Variants in KIAA2012 observed in about 807,000 individuals in gnomAD.
The protein encoded by KIAA2012 is KIAA2012.
In KIAA2012, 125 loss-of-function variants were observed where a neutral mutation model predicts 150.6. The observed-to-expected ratio is 0.83, with a 90% CI of 0.72 to 0.96. The LOEUF is 0.96. Ranked by LOEUF, KIAA2012 falls within the 40% of genes least tolerant of loss-of-function variation. The pLI, the probability that KIAA2012 is intolerant of heterozygous loss-of-function variation, is 0.00. For missense variants in KIAA2012, 1,219 were observed against 1,354.9 expected, an observed-to-expected ratio of 0.90 and a Z score of 1.57; for synonymous variants, 462 against 504.7, an observed-to-expected ratio of 0.92 and a Z score of 1.13.
intron 15 of KIAA2012, among the ~76,000 whole-genome samples, chr2:202,173,429 C>T (rs758108547): frequency 2.0e-5 from 3 of 152,002 alleles, no homozygotes; most frequent in East Asian, 1.9e-4. Context: ...ATTAGCTGGG[C>T]GTGGTGGCAC....
chr2:202,165,291 G>A lies in KIAA2012; in HGVS notation c.2054G>A (p.Gly685Glu), dbSNP rs1219261309. Residue 685 changes from glycine (G) to glutamate (E), a missense_variant, in exon 15 of 24, where the codon GGA (glycine) becomes GAA (glutamate). By Grantham distance (98) the Gly-to-Glu change is moderately conservative. Coordinates refer to ENST00000498697, the MANE Select transcript of KIAA2012 (RefSeq NM_001277372.4). ...TGTGTGTTAACCCAATAGGAAAGTG[G>A]AAATGCACTGGACTATCAGGAAGAA... The part of the protein sequence containing the change: ...IDMTPFLKES[G>E]NALDYQEEAG... 2 of 1,550,156 alleles carry A rather than the reference G, an allele frequency of 1.3e-6. No homozygotes were observed. Among genetic ancestry groups the A allele is most frequent in the African/African-American group, 1.4e-5 (1 of 73,034 alleles).
At chr2:202,148,581 A>G (rs1691351425) in intron 13 of KIAA2012, among the ~76,000 whole-genome samples, 1 of 152,102 alleles carries the variant, frequency 6.6e-6, no homozygotes, top group Non-Finnish European at 1.5e-5. Context: ...GGATGACCCC[A>G]GGTGACAGGT....
intron 22 of KIAA2012, among the ~76,000 whole-genome samples, chr2:202,198,166 CTCTT>C (rs1470688493): frequency 1.7e-5 from 2 of 117,854 alleles, no homozygotes; most frequent in African/African-American, 6.4e-5. Context: ...AAGAGCAAGG[CTCTT>C]TCTCAAAAAA....
chr2:202,078,837 GCAC>G (rs922427126), intron 2 of KIAA2012, among the ~76,000 whole-genome samples: 1 of 152,146 alleles, frequency 6.6e-6, no homozygotes, highest in Middle Eastern at 3.2e-3. Flanking sequence ...GTAAATCACT[GCAC>G]CAGAATGTGA....
At position 202,097,571 on chromosome 2, in the gene KIAA2012, G is replaced by A. The variant is rs1432778421; in HGVS notation, c.822G>A (p.Gln274=). ...RKQPWQEDET[Q]AEDTSIENHL... ...AGCCCTGGCAGGAAGATGAAACGCA[G>A]GCAGAGGTACCATTTCTTTTTTTTT... Residue 274 remains glutamine, a synonymous_variant, in exon 5 of 24, where the codon CAG becomes CAA. Coordinates refer to ENST00000498697, the MANE Select transcript of KIAA2012 (RefSeq NM_001277372.4). The A allele has an allele frequency of 4.5e-6, 7 of 1,543,142 alleles. No individual in the cohort carries two copies. The highest frequency in any genetic ancestry group is 2.0e-5 in the Admixed American group (1 of 48,982).
intron 2 of KIAA2012, among the ~76,000 whole-genome samples, chr2:202,075,809 A>C (rs572313237): frequency 6.6e-6 from 1 of 152,368 alleles, no homozygotes; most frequent in Admixed American, 6.5e-5. Flanking sequence ...GTCACTTTAT[A>C]AAATTCTAGG....
chr2:202,121,397 T>TC (rs1690649535), intron 11 of KIAA2012, among the ~76,000 whole-genome samples: 2 of 152,230 alleles, frequency 1.3e-5, no homozygotes, highest in Admixed American at 1.3e-4. Flanking sequence ...ACACTTGCAC[T>TC]CCATCTTGTA....
intron 12 of KIAA2012, among the ~76,000 whole-genome samples, chr2:202,132,512 C>G (rs1690955419): frequency 6.6e-6 from 1 of 151,200 alleles, no homozygotes; most frequent in South Asian, 2.1e-4. Context: ...ACTGAAAATA[C>G]AAAAATTAGC....
intron 18 of KIAA2012, 88 bp downstream of exon 18, chr2:202,188,354 C>G: frequency 9.9e-7 from 1 of 1,013,840 alleles, no homozygotes. Flanking sequence ...TGGATCCTAC[C>G]GGACAAACTC....
chr2:202,117,214 C>A (rs1280353926), intron 11 of KIAA2012, among the ~76,000 whole-genome samples: 1 of 152,186 alleles, frequency 6.6e-6, no homozygotes, highest in East Asian at 1.9e-4. Flanking sequence ...TAATAGATAA[C>A]TAGTATTCTA....
At chr2:202,196,699 C>A in intron 21 of KIAA2012, 101 bp from the exon 22 acceptor site, 1 of 1,456,722 alleles carries the variant, frequency 6.9e-7, no homozygotes, top group African/African-American at 1.4e-5. Flanking sequence ...CAAAATTTCT[C>A]ACGGGGAGTC....
At chr2:202,202,319 C>T (rs1692547334) in intron 22 of KIAA2012, 110 bp from the exon 23 acceptor site, 1 of 399,996 alleles carries the variant, frequency 2.5e-6, no homozygotes, top group Non-Finnish European at 4.4e-6. Flanking sequence ...ATCAACAGCC[C>T]GAAGTCTAAC....
At chr2:202,091,018 C>T in intron 3 of KIAA2012, 89 bp downstream of exon 3, 3 of 1,431,368 alleles carry the variant, frequency 2.1e-6, no homozygotes, top group Non-Finnish European at 2.8e-6. Flanking sequence ...AGACCTGAAA[C>T]ACCAGGATTT....
At chr2:202,197,139 C>A in intron 22 of KIAA2012, 120 bp downstream of exon 22, 1 of 1,436,728 alleles carries the variant, frequency 7.0e-7, no homozygotes, top group Non-Finnish European at 9.4e-7. Context: ...CCCAGCATGG[C>A]TTGGAAGACT....
chr2:202,080,575 A>G (rs1042677709), intron 2 of KIAA2012, among the ~76,000 whole-genome samples: 1 of 151,972 alleles, frequency 6.6e-6, no homozygotes, highest in African/African-American at 2.4e-5. Context: ...GCATACCTGT[A>G]ATCCCTGCTA....
At position 202,155,193 on chromosome 2, in the gene KIAA2012, G is replaced by A. The variant is rs191891959; in HGVS notation, c.2046+383G>A. 1.9e-3 allele frequency among the ~76,000 whole-genome samples: 292 copies of A among 152,286 alleles called. 1 individual carries two copies. The highest frequency in any genetic ancestry group is 5.6e-3 in the African/African-American group (232 of 41,568). On this transcript the variant is annotated intron_variant, in intron 14 of 23. Coordinates refer to ENST00000498697, the MANE Select transcript of KIAA2012 (RefSeq NM_001277372.4). ...TGATATTACTACTATAGAGAAGACT[G>A]ATTCTTGAGTTAACTATTTAGACGT... is the stretch of plus-strand genomic sequence containing the variant.
At chr2:202,082,822 A>C (rs1689480956) in intron 2 of KIAA2012, among the ~76,000 whole-genome samples, 2 of 149,500 alleles carry the variant, frequency 1.3e-5, no homozygotes, top group South Asian at 4.3e-4. Context: ...AACTTTTGTA[A>C]ATGGTGTACG....
intron 15 of KIAA2012, among the ~76,000 whole-genome samples, chr2:202,176,737 C>T (rs1182503078): frequency 6.6e-6 from 1 of 151,638 alleles, no homozygotes; most frequent in Non-Finnish European, 1.5e-5. Flanking sequence ...AATAAATGGC[C>T]ATAGAGAAAA....
chr2:202,095,081 C>T (rs1689832156), intron 4 of KIAA2012, among the ~76,000 whole-genome samples: 1 of 152,118 alleles, frequency 6.6e-6, no homozygotes, highest in Admixed American at 6.5e-5. Context: ...AAATAATATA[C>T]TAATAGAAGC....
Sources: allele counts gnomAD v4.1 joint callset (sites outside exome capture counted in the v4.1 genomes callset), GRCh38; gene constraint gnomAD v4.1.1; transcripts MANE v1.5; gene names NCBI Gene and HGNC (gene_info 2026-07-23, HGNC 2026-07-21).